The following IPCEF1 variants were observed in gnomAD, a reference collection of about 807,000 sequenced individuals.
IPCEF1 encodes interaction protein for cytohesin exchange factors 1, also known as interactor protein for cytohesin exchange factors 1.
A neutral mutation model predicts 50.9 loss-of-function variants in IPCEF1; 31 were observed. The observed-to-expected ratio is 0.61, with a 90% CI of 0.46 to 0.82. The LOEUF is 0.82. Ranked by LOEUF, IPCEF1 falls within the 40% of genes least tolerant of loss-of-function variation. IPCEF1 has a pLI of 0.00. For synonymous variants in IPCEF1, 181 were observed against 192.0 expected (o/e 0.94, Z 0.47); for missense variants, 458 against 514.0 (o/e 0.89, Z 1.05).
chr6:154,205,542 C>A (rs1204649241), intron 9 of IPCEF1, among the ~76,000 whole-genome samples: 4 of 152,120 alleles, frequency 2.6e-5, no homozygotes, highest in Non-Finnish European at 4.4e-5. Flanking sequence ...TTGCAGTGAG[C>A]CGAAATCACA....
chr6:154,306,348 TTC>T (rs1782931842), intron 1 of IPCEF1, among the ~76,000 whole-genome samples: 2 of 147,026 alleles, frequency 1.4e-5, no homozygotes, highest in African/African-American at 5.2e-5. Flanking sequence ...GCACAATCCT[TTC>T]ATTTCTTTTT....
chr6:154,188,240 G>C (rs140383345), intron 10 of IPCEF1, among the ~76,000 whole-genome samples: 5 of 152,050 alleles, frequency 3.3e-5, no homozygotes, highest in African/African-American at 1.2e-4. Flanking sequence ...GAGAAAAATC[G>C]ATGTTAAAAA....
chr6:154,268,116 C>T (rs9479805), intron 2 of IPCEF1, among the ~76,000 whole-genome samples: 24,628 of 152,212 alleles, frequency 0.16, 2,843 homozygotes, highest in East Asian at 0.64. Flanking sequence ...CATCTGTCTG[C>T]CTCCTGCTGC....
At chr6:154,257,944 C>T (rs1283374579) in intron 3 of IPCEF1, among the ~76,000 whole-genome samples, 1 of 152,186 alleles carries the variant, frequency 6.6e-6, no homozygotes, top group African/African-American at 2.4e-5. Context: ...CTCAAGTGAT[C>T]CTCTCGCCTA....
At chr6:154,241,174 T>C (rs1170733182) in intron 5 of IPCEF1, among the ~76,000 whole-genome samples, 1 of 147,236 alleles carries the variant, frequency 6.8e-6, no homozygotes, top group Admixed American at 7.0e-5. Context: ...AGGCGGAGGT[T>C]GCAGTGAGCC....
At chr6:154,339,326 C>A (rs1286119929) in intron 1 of IPCEF1, among the ~76,000 whole-genome samples, 1 of 152,006 alleles carries the variant, frequency 6.6e-6, no homozygotes, top group Non-Finnish European at 1.5e-5. Flanking sequence ...CAACCAAGTT[C>A]ATTTGGTTCA....
Position 154,222,540 on chromosome 6 carries a change from G to A in IPCEF1, c.320+630C>T, listed in dbSNP as rs550866232. Among the ~76,000 whole-genome samples the A allele has an allele frequency of 2.0e-5, 3 of 152,308 alleles. No homozygotes were observed. In the South Asian group the frequency reaches 6.2e-4, roughly 32 times the overall value. ...GACTGCTATCATGGGAGGAGCACTT[G>A]AATGAGAGTCTATAGATACCTGGGT... is the stretch of plus-strand genomic sequence containing the variant. On this transcript the variant is annotated intron_variant, in intron 6 of 11. Coordinates refer to ENST00000367220, the MANE Select transcript of IPCEF1 (RefSeq NM_001130700.2).
intron 7 of IPCEF1, among the ~76,000 whole-genome samples, chr6:154,219,728 A>T (rs191353914): frequency 9.2e-5 from 14 of 152,352 alleles, no homozygotes; most frequent in Admixed American, 8.5e-4. Context: ...GATGCTTAAG[A>T]AAACCAAGGG....
intron 10 of IPCEF1, among the ~76,000 whole-genome samples, chr6:154,178,814 G>A (rs1303986563): frequency 6.6e-6 from 1 of 152,180 alleles, no homozygotes; most frequent in Non-Finnish European, 1.5e-5. Flanking sequence ...TCAGCTTCCT[G>A]CCTCTCAGCC....
At chr6:154,314,307 G>A (rs897133086) in intron 1 of IPCEF1, among the ~76,000 whole-genome samples, 5 of 152,120 alleles carry the variant, frequency 3.3e-5, no homozygotes, top group Non-Finnish European at 7.3e-5. Context: ...AATCAAATTG[G>A]CCACTATGGC....
chr6:154,203,253 T>C (rs907046987), intron 9 of IPCEF1, among the ~76,000 whole-genome samples: 1 of 152,084 alleles, frequency 6.6e-6, no homozygotes, highest in African/African-American at 2.4e-5. Flanking sequence ...GAGCCCAACC[T>C]TCGTGTGTCT....
At chr6:154,221,527 C>T (rs1261361467) in intron 6 of IPCEF1, among the ~76,000 whole-genome samples, 199 bp from the exon 7 acceptor site, 1 of 152,104 alleles carries the variant, frequency 6.6e-6, no homozygotes. Flanking sequence ...TTTTTTATGT[C>T]AGAACGTCCA....
chr6:154,208,776 T>A (rs964649513), intron 9 of IPCEF1, among the ~76,000 whole-genome samples: 11 of 152,228 alleles, frequency 7.2e-5, no homozygotes, highest in African/African-American at 2.4e-4. Context: ...AGATTTGAAA[T>A]AGAAAGTTGG....
intron 2 of IPCEF1, among the ~76,000 whole-genome samples, chr6:154,283,764 A>C (rs1250570817): frequency 6.6e-6 from 1 of 152,208 alleles, no homozygotes; most frequent in Admixed American, 6.6e-5. Flanking sequence ...CATGGGGGCA[A>C]TATCTTTGAA....
intron 3 of IPCEF1, among the ~76,000 whole-genome samples, chr6:154,254,063 G>A (rs1002712563): frequency 1.3e-5 from 2 of 151,766 alleles, no homozygotes; most frequent in African/African-American, 4.8e-5. Context: ...ATAAGACATT[G>A]GAATATGTAT....
chr6:154,219,932 G>C (rs1185120114), intron 7 of IPCEF1, among the ~76,000 whole-genome samples: 1 of 151,850 alleles, frequency 6.6e-6, no homozygotes, highest in Non-Finnish European at 1.5e-5. Context: ...GTGAGGATAG[G>C]GGACAGATGA....
chr6:154,315,618 G>A (rs1178048486), intron 1 of IPCEF1, among the ~76,000 whole-genome samples: 2 of 152,082 alleles, frequency 1.3e-5, no homozygotes, highest in Non-Finnish European at 2.9e-5. Context: ...TGACAACTAA[G>A]TCCCGGATTT....
chr6:154,266,360 A>G (rs1307986778), intron 2 of IPCEF1, among the ~76,000 whole-genome samples: 1 of 151,992 alleles, frequency 6.6e-6, no homozygotes, highest in African/African-American at 2.4e-5. Flanking sequence ...ACTCCAGCCT[A>G]AGTGACAGAA....
At position 154,168,570 on chromosome 6, in the gene IPCEF1, G is replaced by A. The variant is rs910034674; in HGVS notation, c.911-457C>T. ...ATTCTGAGGTATTAGGGGTTAGGACGTCAACATACGAATTTTATTAATTAA... is the reference window on the plus strand; with the variant it reads ...ATTCTGAGGTATTAGGGGTTAGGACATCAACATACGAATTTTATTAATTAA... On this transcript the variant is annotated intron_variant, in intron 10 of 11. Transcript: ENST00000367220. This position sits in a 1 kb window ranked among gnomAD's most constrained non-coding sequence, Gnocchi z 4.1. Among the ~76,000 whole-genome samples, 5 of 152,120 alleles carry A rather than the reference G, an allele frequency of 3.3e-5. No homozygotes were observed. The highest frequency in any genetic ancestry group is 9.6e-5 in the African/African-American group (4 of 41,462).
Sources: allele counts gnomAD v4.1 joint callset (sites outside exome capture counted in the v4.1 genomes callset), GRCh38; gene constraint gnomAD v4.1.1; non-coding constraint Gnocchi (gnomAD v3.1); transcripts MANE v1.5; gene names NCBI Gene and HGNC (gene_info 2026-07-23, HGNC 2026-07-21).